Variants in PIK3CB observed in about 807,000 individuals in gnomAD.
PIK3CB encodes phosphatidylinositol-4,5-bisphosphate 3-kinase catalytic subunit beta, also known as phosphatidylinositol 4,5-bisphosphate 3-kinase catalytic subunit beta isoform.
Under a neutral mutation model 136.8 loss-of-function variants are expected in PIK3CB, and 39 were observed. The observed-to-expected ratio is 0.29, with a 90% CI of 0.22 to 0.37. PIK3CB has a LOEUF of 0.37. PIK3CB is among the 10% of genes least tolerant of loss of function. PIK3CB has a pLI of 1.00. For missense variants in PIK3CB, 868 were observed against 1,275.4 expected, an observed-to-expected ratio of 0.68 and a Z score of 4.87; for synonymous variants, 428 against 436.6, an observed-to-expected ratio of 0.98 and a Z score of 0.25.
chr3:138,682,740 C>G (rs1208309646), intron 18 of PIK3CB, among the ~76,000 whole-genome samples: 2 of 152,064 alleles, frequency 1.3e-5, no homozygotes, highest in African/African-American at 4.8e-5. Context: ...TTAGCAAAAC[C>G]CTATGAGTTC....
chr3:138,707,129 G>T, intron 11 of PIK3CB, 30 bp downstream of exon 11: 1 of 1,235,540 alleles, frequency 8.1e-7, no homozygotes, highest in Non-Finnish European at 1.2e-6. Context: ...ATCATTTCAT[G>T]CATAGAGGTC....
intron 23 of PIK3CB, 78 bp from the exon 24 acceptor site, chr3:138,655,604 G>T (rs1409220897): frequency 2.6e-6 from 3 of 1,147,180 alleles, no homozygotes; most frequent in Non-Finnish European, 3.9e-6. Flanking sequence ...CAGGAGGCTG[G>T]ATTGGTTGTG....
intron 1 of PIK3CB, among the ~76,000 whole-genome samples, chr3:138,801,682 G>C (rs1265712027): frequency 6.6e-6 from 1 of 151,838 alleles, no homozygotes; most frequent in African/African-American, 2.4e-5. Context: ...GGCCAACATG[G>C]TGAAATCCTG....
At position 138,825,344 on chromosome 3, in the gene PIK3CB, C is replaced by G. The variant is rs138220184; in HGVS notation, c.-122+9351G>C. ...CTGGTATCTCCAAAAATGGGCAGAC[C>G]TGTCAGCATGCCCTTCTGGCTTATA... On this transcript the variant is annotated intron_variant, in intron 1 of 23. Coordinates refer to ENST00000674063, the MANE Select transcript of PIK3CB (RefSeq NM_006219.3). 3.5e-3 allele frequency: 1,836 copies of G among 521,224 alleles called. 34 individuals carry two copies. The highest frequency in any genetic ancestry group is 0.028 in the African/African-American group (1,482 of 52,240). 32.3% of individuals were successfully genotyped at this position (521,224 alleles called of 1,614,324 possible). A position where few individuals can be genotyped will look rare whatever the true frequency, so the allele number is the denominator to read the frequency against.
At chr3:138,793,419 A>C (rs935072431) in intron 2 of PIK3CB, among the ~76,000 whole-genome samples, 1 of 152,044 alleles carries the variant, frequency 6.6e-6, no homozygotes, top group African/African-American at 2.4e-5. Flanking sequence ...CAGCCCCGTC[A>C]ACATGGTGAA....
At chr3:138,745,028 G>A (rs2045325732) in intron 4 of PIK3CB, among the ~76,000 whole-genome samples, 1 of 152,110 alleles carries the variant, frequency 6.6e-6, no homozygotes, top group African/African-American at 2.4e-5. Context: ...TACAATATCG[G>A]GACAGAGATT....
intron 21 of PIK3CB, among the ~76,000 whole-genome samples, chr3:138,659,565 T>C (rs1031198962): frequency 2.2e-4 from 34 of 152,110 alleles, no homozygotes; most frequent in Admixed American, 2.2e-3. Flanking sequence ...TAGAAATCAT[T>C]TTCCCTCAAA....
chr3:138,737,535 T>TA (rs1279794057), intron 6 of PIK3CB, among the ~76,000 whole-genome samples, 172 bp downstream of exon 6: 4 of 150,726 alleles, frequency 2.7e-5, no homozygotes, highest in African/African-American at 9.7e-5. Flanking sequence ...GTAACAATGA[T>TA]TATCTCAGAG....
chr3:138,765,406 A>G (rs781600260), intron 2 of PIK3CB, among the ~76,000 whole-genome samples: 1 of 152,196 alleles, frequency 6.6e-6, no homozygotes, highest in Non-Finnish European at 1.5e-5. Context: ...TGAACCTTGC[A>G]ATCTTCAATA....
rs570196973 is a variant in PIK3CB at position 138,722,407 on chromosome 3, C to T, written c.1051-7688G>A. On this transcript the variant is annotated intron_variant, in intron 8 of 23. Transcript: ENST00000674063. Reference sequence around the variant, plus strand: ...AAAAGTGGTATTCAATTCTTACTCTCGATAATCTTACCTGAATTTGTCACC... The same window carrying T: ...AAAAGTGGTATTCAATTCTTACTCTTGATAATCTTACCTGAATTTGTCACC... Among the ~76,000 whole-genome samples, 15 of 151,986 alleles carry T rather than the reference C, an allele frequency of 9.9e-5. No homozygotes were observed. The South Asian group carries it at 2.9e-3, about 29-fold the overall frequency.
rs1027999759 is a variant in PIK3CB, at chr3:138,805,762, G to T, written c.-121-9195C>A. Among the ~76,000 whole-genome samples the T allele has an allele frequency of 2.6e-5, 4 of 151,376 alleles. No homozygotes were observed. In the South Asian group the frequency reaches 6.3e-4, roughly 24 times the overall value. On this transcript the variant is annotated intron_variant, in intron 1 of 23. Transcript: ENST00000674063. ...TTGTTTTGTTTTTTGAGAGAGTCTC[G>T]CTCTGTCACCAGGCTGGAGTGCAGT...
At chr3:138,692,987 A>G (rs973277946) in intron 14 of PIK3CB, among the ~76,000 whole-genome samples, 2 of 152,242 alleles carry the variant, frequency 1.3e-5, no homozygotes, top group Non-Finnish European at 2.9e-5. Context: ...AATAAGATAT[A>G]TCCCTATGAC....
Position 138,724,346 on chromosome 3 carries a change from AG to A in PIK3CB, c.1050+9014del, listed in dbSNP as rs201846642. Among the ~76,000 whole-genome samples, 715 of 152,330 alleles carry A rather than the reference AG, an allele frequency of 4.7e-3. 7 individuals carry two copies. The highest frequency in any genetic ancestry group is 8.2e-3 in the Non-Finnish European group (555 of 68,036). On this transcript the variant is annotated intron_variant, in intron 8 of 23. Coordinates refer to ENST00000674063, the MANE Select transcript of PIK3CB (RefSeq NM_006219.3). The stretch of plus-strand genomic sequence containing the variant: ...TTCTTCAAGGTCCAGAAGGGTTCCA[AG>A]TGCAGAAGCTTGTCCCCATAGAATT...
chr3:138,754,488 C>T (rs901301865), intron 4 of PIK3CB, among the ~76,000 whole-genome samples: 5 of 152,090 alleles, frequency 3.3e-5, no homozygotes, highest in African/African-American at 1.2e-4. Context: ...CAAAACACAC[C>T]TTTGTAGCTC....
intron 19 of PIK3CB, among the ~76,000 whole-genome samples, chr3:138,679,887 C>G (rs1340594176): frequency 6.9e-6 from 1 of 145,882 alleles, no homozygotes; most frequent in African/African-American, 2.5e-5. Flanking sequence ...AGCCACTGCA[C>G]CCAGCCAAGA....
chr3:138,679,594 CTTTT>C (rs897795684), intron 19 of PIK3CB, among the ~76,000 whole-genome samples: 14 of 148,618 alleles, frequency 9.4e-5, no homozygotes, highest in Admixed American at 8.0e-4. Context: ...CTTTTTTTTT[CTTTT>C]TTGAGATTAG....
chr3:138,818,950 T>G (rs1481227907), intron 1 of PIK3CB, among the ~76,000 whole-genome samples: 1 of 152,208 alleles, frequency 6.6e-6, no homozygotes, highest in Non-Finnish European at 1.5e-5. Flanking sequence ...TACGACTACA[T>G]TATAAGTCAT....
chr3:138,688,392 T>C (rs1286407178), intron 16 of PIK3CB, among the ~76,000 whole-genome samples: 1 of 150,084 alleles, frequency 6.7e-6, no homozygotes, highest in Non-Finnish European at 1.5e-5. Context: ...TCCCAGCTAC[T>C]CGGGAGGCTG....
chr3:138,771,896 C>T (rs144157819), intron 2 of PIK3CB, among the ~76,000 whole-genome samples: 2,065 of 132,512 alleles, frequency 0.016, 44 homozygotes, highest in Middle Eastern at 0.06. Flanking sequence ...CACTCCAGCA[C>T]GGGCAACAGA....
Sources: allele counts gnomAD v4.1 joint callset (sites outside exome capture counted in the v4.1 genomes callset), GRCh38; gene constraint gnomAD v4.1.1; transcripts MANE v1.5; gene names NCBI Gene and HGNC (gene_info 2026-07-23, HGNC 2026-07-21).